The following CSMD3 variants were observed in gnomAD, a reference collection of about 807,000 sequenced individuals.
The protein encoded by CSMD3 is CUB and Sushi multiple domains 3.
A neutral mutation model predicts 435.2 loss-of-function variants in CSMD3; 177 were observed. That is an observed-to-expected ratio of 0.41 (90% CI 0.36 to 0.46). CSMD3 has a LOEUF of 0.46. Among genes scored for constraint, CSMD3 ranks in the 20% least tolerant of loss-of-function variants. The probability of loss-of-function intolerance (pLI) is 0.34; values close to 1 mark genes in which losing one functional copy is unlikely to be tolerated. For synonymous variants in CSMD3, 1,656 were observed against 1,520.5 expected, an observed-to-expected ratio of 1.09 and a Z score of -2.07; for missense variants, 4,265 against 4,504.6, an observed-to-expected ratio of 0.95 and a Z score of 1.52.
At chr8:112,933,219 G>A (rs1241210465) in intron 9 of CSMD3, among the ~76,000 whole-genome samples, 3 of 152,028 alleles carry the variant, frequency 2.0e-5, no homozygotes, top group Non-Finnish European at 2.9e-5. Context: ...ATCAAGTGGT[G>A]TATAATGATA....
At chr8:113,249,791 T>A (rs1434241089) in intron 3 of CSMD3, among the ~76,000 whole-genome samples, 1 of 151,886 alleles carries the variant, frequency 6.6e-6, no homozygotes, top group Non-Finnish European at 1.5e-5. Flanking sequence ...TCTTTGTGAA[T>A]CTTGTTTCCT....
At chr8:112,976,248 A>T in intron 6 of CSMD3, 100 bp from the exon 7 acceptor site, 1 of 1,363,026 alleles carries the variant, frequency 7.3e-7, no homozygotes, top group Non-Finnish European at 1.0e-6. Flanking sequence ...TATTACCTTA[A>T]GGATAATCAA....
intron 13 of CSMD3, among the ~76,000 whole-genome samples, chr8:112,760,808 G>A (rs1163245944): frequency 1.3e-5 from 2 of 152,014 alleles, no homozygotes; most frequent in Non-Finnish European, 2.9e-5. Flanking sequence ...TTTAGGGGAG[G>A]GATAGCCCAG....
intron 7 of CSMD3, among the ~76,000 whole-genome samples, chr8:112,957,284 T>C (rs2084056246): frequency 6.6e-6 from 1 of 152,152 alleles, no homozygotes; most frequent in South Asian, 2.1e-4. Context: ...ACCTGATGCA[T>C]TTCAGTAATA....
At chr8:113,251,291 A>T (rs974449320) in intron 3 of CSMD3, among the ~76,000 whole-genome samples, 2 of 152,128 alleles carry the variant, frequency 1.3e-5, no homozygotes, top group African/African-American at 4.8e-5. Flanking sequence ...AATTTCATAC[A>T]TGAAAGTAAA....
At chr8:113,357,549 C>T (rs377151102) in intron 1 of CSMD3, among the ~76,000 whole-genome samples, 40 of 152,132 alleles carry the variant, frequency 2.6e-4, no homozygotes, top group East Asian at 1.4e-3. Flanking sequence ...ATAAACACAA[C>T]GTTGTTGTAT....
intron 45 of CSMD3, among the ~76,000 whole-genome samples, chr8:112,327,630 T>C (rs1823628421): frequency 6.6e-6 from 1 of 152,188 alleles, no homozygotes; most frequent in African/African-American, 2.4e-5. Context: ...TAAGTATGTG[T>C]TCTTTTTAGA....
intron 3 of CSMD3, among the ~76,000 whole-genome samples, chr8:113,201,997 C>T (rs983406093): frequency 2.6e-5 from 4 of 151,956 alleles, no homozygotes; most frequent in Non-Finnish European, 4.4e-5. Context: ...TGTTCTGTTA[C>T]TAAAACAGAG....
chr8:112,428,772 C>A (rs938669385), intron 32 of CSMD3, among the ~76,000 whole-genome samples: 4 of 152,018 alleles, frequency 2.6e-5, no homozygotes, highest in Admixed American at 2.6e-4. Context: ...TCATCTGTTC[C>A]GTGGATCCTC....
rs2130756967 is a variant in CSMD3, at chr8:112,301,810, G to C, written c.8423C>G (p.Ser2808Cys). Residue 2808 changes from serine (S) to cysteine (C), a missense_variant, in exon 53 of 71, where the codon TCT becomes TGT. By Grantham distance (112) the Ser-to-Cys change is moderately radical. Coordinates refer to ENST00000297405, the MANE Select transcript of CSMD3 (RefSeq NM_198123.2). ...ECLSSGLWSE[S>C]ETRCLAGHCG... ...ATCTGTACCTAGGCATCTGGTTTCA[G>C]ATTCACTCCAAAGACCTGAGGAAAG... 6.2e-7 allele frequency: 1 copy of C among 1,613,774 alleles called. No homozygotes were observed. The highest frequency in any genetic ancestry group is 8.5e-7 in the Non-Finnish European group (1 of 1,179,790).
At chr8:112,431,396 T>C (rs1392732859) in intron 32 of CSMD3, among the ~76,000 whole-genome samples, 1 of 152,120 alleles carries the variant, frequency 6.6e-6, no homozygotes, top group Non-Finnish European at 1.5e-5. Context: ...AAATAGGTGA[T>C]TTTTTTAAGA....
At chr8:112,546,906 G>T (rs1277390177) in intron 27 of CSMD3, among the ~76,000 whole-genome samples, 1 of 152,136 alleles carries the variant, frequency 6.6e-6, no homozygotes, top group Non-Finnish European at 1.5e-5. Flanking sequence ...GTTGGTCTGT[G>T]GCCTACATTT....
rs557460556 is a variant in CSMD3 at position 112,662,905 on chromosome 8, C to T, written c.2816+3372G>A. 5.3e-5 allele frequency among the ~76,000 whole-genome samples: 8 copies of T among 152,118 alleles called. No individual in the cohort carries two copies. In the East Asian group the frequency reaches 1.2e-3, roughly 22 times the overall value. The stretch of plus-strand genomic sequence containing the variant: ...TCTCAAAAGAAGACATTTATGCAGC[C>T]AAAAGACACATGAAAAAAATGCTCA... On this transcript the variant is annotated intron_variant, in intron 17 of 70. Transcript: ENST00000297405.
intron 10 of CSMD3, among the ~76,000 whole-genome samples, chr8:112,912,744 C>T (rs932623958): frequency 1.3e-5 from 2 of 151,784 alleles, no homozygotes; most frequent in African/African-American, 2.4e-5. Context: ...AGCTTCTGCA[C>T]GGCAAAGGAA....
intron 3 of CSMD3, among the ~76,000 whole-genome samples, chr8:113,211,663 T>C (rs1375843537): frequency 6.6e-6 from 1 of 152,140 alleles, no homozygotes; most frequent in African/African-American, 2.4e-5. Context: ...CACTCCAGCC[T>C]GGATGACAGA....
chr8:112,725,458 G>A (rs1028448405), intron 13 of CSMD3, among the ~76,000 whole-genome samples: 1 of 151,650 alleles, frequency 6.6e-6, no homozygotes, highest in African/African-American at 2.4e-5. Context: ...CATATTAAAG[G>A]GAAATGTGAA....
chr8:112,438,668 C>T (rs1350353819), intron 32 of CSMD3, among the ~76,000 whole-genome samples: 1 of 152,008 alleles, frequency 6.6e-6, no homozygotes, highest in African/African-American at 2.4e-5. Context: ...CAAAGAGAAC[C>T]TCTAATTTTC....
intron 1 of CSMD3, among the ~76,000 whole-genome samples, chr8:113,361,870 T>C (rs1318677269): frequency 6.6e-6 from 1 of 152,170 alleles, no homozygotes; most frequent in Non-Finnish European, 1.5e-5. Context: ...TGCAAGCAAA[T>C]TTTAATATTT....
intron 13 of CSMD3, among the ~76,000 whole-genome samples, chr8:112,797,688 G>A (rs1420479145): frequency 1.3e-5 from 2 of 151,608 alleles, no homozygotes; most frequent in East Asian, 1.9e-4. Context: ...TCAACAAAGA[G>A]CATGGTAATT....
Sources: allele counts gnomAD v4.1 joint callset (sites outside exome capture counted in the v4.1 genomes callset), GRCh38; gene constraint gnomAD v4.1.1; transcripts MANE v1.5; gene names NCBI Gene and HGNC (gene_info 2026-07-23, HGNC 2026-07-21).